The following WDR72 variants were observed in gnomAD, a reference collection of about 807,000 sequenced individuals.
WDR72 encodes the protein WD repeat domain 72, also known as WD repeat-containing protein 72.
Under a neutral mutation model 124.2 loss-of-function variants are expected in WDR72, and 120 were observed. The ratio of observed to expected loss-of-function variants is 0.97; its 90% confidence interval spans 0.83 to 1.12. The LOEUF (loss-of-function observed/expected upper bound fraction) is 1.12. WDR72 is among the 50% of genes most tolerant of loss of function. The probability of loss-of-function intolerance (pLI) is 0.00; values close to 1 mark genes in which losing one functional copy is unlikely to be tolerated. For synonymous variants in WDR72, 452 were observed against 441.7 expected (o/e 1.02, Z -0.29); for missense variants, 1,387 against 1,278.8 (o/e 1.08, Z -1.29).
At chr15:53,660,751 C>T (rs937500880) in intron 14 of WDR72, among the ~76,000 whole-genome samples, 1 of 152,080 alleles carries the variant, frequency 6.6e-6, no homozygotes, top group African/African-American at 2.4e-5. Context: ...GGAGCCATTA[C>T]TTACAAATTT....
At chr15:53,597,040 G>A in intron 18 of WDR72, 39 bp downstream of exon 18, 1 of 1,599,298 alleles carries the variant, frequency 6.3e-7, no homozygotes, top group Middle Eastern at 1.8e-4. Flanking sequence ...TAGTAGAAAA[G>A]TTCTGTTGAA....
chr15:53,594,720 A>T (rs1296161347), intron 18 of WDR72, among the ~76,000 whole-genome samples: 1 of 151,702 alleles, frequency 6.6e-6, no homozygotes, highest in Non-Finnish European at 1.5e-5. Flanking sequence ...TTATTCCAGG[A>T]GGTGGAAGTT....
Position 53,613,584 on chromosome 15 carries a change from G to C in WDR72, c.2872+82C>G, listed in dbSNP as rs1279995111. On this transcript the variant is annotated intron_variant, in intron 16 of 19. Transcript: ENST00000360509. ...TATATATGTTATTTATTTTGACACT[G>C]CTAACCAGTTATAGAAAGACTAGTT... is the stretch of plus-strand genomic sequence containing the variant. The C allele has an allele frequency of 4.4e-6, 4 of 905,022 alleles. No homozygotes were observed. The East Asian group carries it at 9.7e-5, about 22-fold the overall frequency. The allele number at this position is 905,022 out of a possible 1,614,324, so 56.1% of individuals were successfully genotyped here.
At chr15:53,613,490 G>T (rs2013629597) in intron 16 of WDR72, among the ~76,000 whole-genome samples, 176 bp downstream of exon 16, 1 of 151,956 alleles carries the variant, frequency 6.6e-6, no homozygotes, top group Non-Finnish European at 1.5e-5. Flanking sequence ...GTAAGGCCCA[G>T]AAAAGCTAAA....
At position 53,657,297 on chromosome 15, in the gene WDR72, G is replaced by GGAAAAAAGAAATAAGGAA. The variant is rs2015463436; in HGVS notation, c.1962+8257_1962+8274dup. On this transcript the variant is annotated intron_variant, in intron 14 of 19. Transcript: ENST00000360509. Reference sequence around the variant, plus strand: ...AAAAAAAAAAAAAAAAAAGAAAGAAGGAAAAAAGAAATAAGGAAGAAAAAA... The same window carrying GGAAAAAAGAAATAAGGAA: ...AAAAAAAAAAAAAAAAAAGAAAGAAGGAAAAAAGAAATAAGGAAGAAAAAAGAAATAAGGAAGAAAAAA... Among the ~76,000 whole-genome samples, 29 of 141,336 alleles carry GGAAAAAAGAAATAAGGAA rather than the reference G, an allele frequency of 2.1e-4. 1 individual carries two copies. The South Asian group carries it at 6.1e-3, about 30-fold the overall frequency. The allele number at this position is 141,336 out of a possible 152,430, so 92.7% of individuals were successfully genotyped here.
intron 2 of WDR72, among the ~76,000 whole-genome samples, 176 bp downstream of exon 2, chr15:53,732,821 T>C (rs1403040074): frequency 6.6e-6 from 1 of 152,220 alleles, no homozygotes; most frequent in African/African-American, 2.4e-5. Context: ...AATATAATCT[T>C]GATCAATCAT....
chr15:53,532,214 T>A lies in WDR72; in HGVS notation c.3149-8892A>T, dbSNP rs144519798. Among the ~76,000 whole-genome samples the A allele has an allele frequency of 2.8e-3, 421 of 152,194 alleles. 2 individuals carry two copies. The highest frequency in any genetic ancestry group is 0.016 in the South Asian group (79 of 4,830). ...TGGTGGGAATGTAAATTAGTACAGCTACCATGGAGAACAGTATGGAGGTTT... is the reference window on the plus strand; with the variant it reads ...TGGTGGGAATGTAAATTAGTACAGCAACCATGGAGAACAGTATGGAGGTTT... On this transcript the variant is annotated intron_variant, in intron 18 of 19. Transcript: ENST00000360509.
intron 3 of WDR72, among the ~76,000 whole-genome samples, chr15:53,721,274 C>T (rs2017868622): frequency 6.6e-6 from 1 of 152,180 alleles, no homozygotes; most frequent in Non-Finnish European, 1.5e-5. Context: ...TATCCATTAA[C>T]CCCTAGTTTC....
rs558383658 is a variant in WDR72, at chr15:53,733,251, A to T, written c.-12-90T>A. ...TATTACAAGCAGATTTATGATGACC[A>T]AACTTCAATGATGTGTTCTCCCAGT... On this transcript the variant is annotated intron_variant, in intron 1 of 19. Coordinates refer to ENST00000360509, the MANE Select transcript of WDR72 (RefSeq NM_182758.4). 2.9e-4 allele frequency: 398 copies of T among 1,392,504 alleles called. 6 individuals are homozygous for T. The South Asian group carries it at 4.6e-3, about 16-fold the overall frequency. 86.3% of individuals were successfully genotyped at this position (1,392,504 alleles called of 1,614,324 possible).
At chr15:53,748,778 C>G (rs1385557579) in intron 1 of WDR72, among the ~76,000 whole-genome samples, 1 of 152,030 alleles carries the variant, frequency 6.6e-6, no homozygotes, top group East Asian at 1.9e-4. Context: ...ACATTTTTAC[C>G]TTTATTCCAG....
intron 18 of WDR72, among the ~76,000 whole-genome samples, chr15:53,566,007 T>A (rs1031255618): frequency 1.3e-5 from 2 of 151,970 alleles, no homozygotes. Context: ...AAAGCTATAT[T>A]CTACAGCAGT....
chr15:53,520,886 C>A lies in WDR72; in HGVS notation c.3253+2332G>T, dbSNP rs186888766. On this transcript the variant is annotated intron_variant, in intron 19 of 19. Coordinates refer to ENST00000360509, the MANE Select transcript of WDR72 (RefSeq NM_182758.4). Reference sequence around the variant, plus strand: ...TTTTAAGAATTTTGCCCATCGAATACTCATGCTTCAAGGAAACACACTCTC... The same window carrying A: ...TTTTAAGAATTTTGCCCATCGAATAATCATGCTTCAAGGAAACACACTCTC... Among the ~76,000 whole-genome samples the A allele has an allele frequency of 3.3e-5, 5 of 152,188 alleles. No homozygotes were observed. In the East Asian group the frequency reaches 9.7e-4, roughly 30 times the overall value.
chr15:53,575,607 G>A (rs977566852), intron 18 of WDR72, among the ~76,000 whole-genome samples: 1 of 152,006 alleles, frequency 6.6e-6, no homozygotes, highest in African/African-American at 2.4e-5. Context: ...TATTGTAGAA[G>A]GGAAACTGAA....
chr15:53,651,918 G>T (rs1283504337), intron 14 of WDR72: 1 of 152,234 alleles, frequency 6.6e-6, no homozygotes, highest in Non-Finnish European at 1.5e-5. Context: ...CTCCCAAAAT[G>T]CTGGGATTGC....
At position 53,722,862 on chromosome 15, in the gene WDR72, C is replaced by T. The variant is rs2017917041; in HGVS notation, c.200G>A (p.Cys67Tyr). The T allele has an allele frequency of 3.1e-6, 5 of 1,612,718 alleles. No individual in the cohort carries two copies. Among genetic ancestry groups the T allele is most frequent in the Non-Finnish European group, 4.2e-6 (5 of 1,180,012 alleles). The part of the protein sequence containing the change: ...LLFGHSASVT[C>Y]LARARDFSKQ... Reference sequence around the variant, plus strand: ...AGAGAAGTCCCTTGCTCTTGCCAAACATGTTACCGAAGCTGAATGACCAAA... The same window carrying T: ...AGAGAAGTCCCTTGCTCTTGCCAAATATGTTACCGAAGCTGAATGACCAAA... The change falls in exon 3 of 20, where the codon TGT (cysteine) becomes TAT (tyrosine). Residue 67 changes from cysteine (C) to tyrosine (Y), a missense_variant. By Grantham distance (194) the Cys-to-Tyr change is radical. Transcript: ENST00000360509.
At chr15:53,700,312 A>G (rs2017132774) in intron 12 of WDR72, among the ~76,000 whole-genome samples, 1 of 152,226 alleles carries the variant, frequency 6.6e-6, no homozygotes, top group Admixed American at 6.5e-5. Context: ...AGCTATTTGT[A>G]GACACAAGCT....
chr15:53,694,849 TA>T (rs2140510290), intron 13 of WDR72, among the ~76,000 whole-genome samples: 1 of 152,350 alleles, frequency 6.6e-6, no homozygotes, highest in East Asian at 1.9e-4. Context: ...GAAATCAATG[TA>T]TTTAAAAAGA....
In WDR72 at chr15:53,514,938, T is replaced by C. The variant is rs1891351578; in HGVS notation, c.*2761A>G. On this transcript the variant is annotated 3_prime_UTR_variant, in exon 20 of 20. Coordinates refer to ENST00000360509, the MANE Select transcript of WDR72 (RefSeq NM_182758.4). The stretch of plus-strand genomic sequence containing the variant: ...CCTGCAATATACAATGGAGCCAATG[T>C]GAAACTCAACAGCAAGTCAAAGAAT... 1 of 137,954 alleles carries C rather than the reference T, an allele frequency of 7.2e-6. No individual in the cohort carries two copies. The highest frequency in any genetic ancestry group is 2.6e-5 in the African/African-American group (1 of 37,938). 8.5% of individuals were successfully genotyped at this position (137,954 alleles called of 1,614,324 possible).
At chr15:53,753,860 C>T (rs1309267086) in intron 1 of WDR72, among the ~76,000 whole-genome samples, 2 of 152,126 alleles carry the variant, frequency 1.3e-5, no homozygotes, top group East Asian at 3.9e-4. Context: ...TCTACCATTA[C>T]TGTTATTAGG....
Sources: gnomAD v4.1 joint callset for allele counts (sites outside exome capture counted in the v4.1 genomes callset) on GRCh38, gnomAD v4.1.1 for gene constraint, MANE v1.5 for transcripts, NCBI Gene and HGNC (gene_info 2026-07-23, HGNC 2026-07-21) for gene names.